The following NRG1 variants were observed in gnomAD, a reference collection of about 807,000 sequenced individuals.
The protein encoded by NRG1 is neuregulin 1.
Under a neutral mutation model 63.8 loss-of-function variants are expected in NRG1, and 18 were observed. The observed-to-expected ratio is 0.28, with a 90% CI of 0.19 to 0.42. NRG1 has a LOEUF of 0.42. Among genes scored for constraint, NRG1 ranks in the 10% least tolerant of loss-of-function variants. NRG1 has a pLI of 1.00. For synonymous variants in NRG1, 302 were observed against 301.3 expected (o/e 1.00, Z -0.02); for missense variants, 762 against 814.7 (o/e 0.94, Z 0.79).
At chr8:31,793,293 T>C (rs936438860) in intron 1 of NRG1, among the ~76,000 whole-genome samples, 3 of 152,212 alleles carry the variant, frequency 2.0e-5, no homozygotes, top group Non-Finnish European at 4.4e-5. Context: ...CTGCACAGTT[T>C]TAGTGTTTAA....
intron 1 of NRG1, among the ~76,000 whole-genome samples, chr8:31,971,488 A>G (rs1807270476): frequency 1.3e-5 from 2 of 152,184 alleles, no homozygotes; most frequent in Admixed American, 6.5e-5. Flanking sequence ...TCAGATTTAT[A>G]AAACGTAAAT....
At chr8:32,510,954 C>CTTT in intron 1 of NRG1, among the ~76,000 whole-genome samples, 2 of 126,704 alleles carry the variant, frequency 1.6e-5, no homozygotes, top group African/African-American at 5.4e-5. Flanking sequence ...TTCTTTCTTT[C>CTTT]CTTTTTTTTT....
intron 1 of NRG1, among the ~76,000 whole-genome samples, chr8:31,853,140 C>A (rs928435317): frequency 2.0e-5 from 3 of 151,976 alleles, no homozygotes; most frequent in Non-Finnish European, 4.4e-5. Context: ...TTTTTCAATT[C>A]TGTGAAGAAA....
At chr8:32,123,870 G>A (rs967396714) in intron 1 of NRG1, among the ~76,000 whole-genome samples, 2 of 151,728 alleles carry the variant, frequency 1.3e-5, no homozygotes, top group Admixed American at 6.6e-5. Context: ...AAAGAGACAA[G>A]TGAATTACTA....
At chr8:31,773,792 C>G (rs888566956) in intron 1 of NRG1, among the ~76,000 whole-genome samples, 1 of 152,052 alleles carries the variant, frequency 6.6e-6, no homozygotes, top group Non-Finnish European at 1.5e-5. Flanking sequence ...GTTTAATGAT[C>G]CCCCCAGCTG....
At chr8:32,595,807 C>G in intron 1 of NRG1, 21 bp from the exon 2 acceptor site, 11 of 1,546,544 alleles carry the variant, frequency 7.1e-6, no homozygotes, top group Non-Finnish European at 5.3e-6. Flanking sequence ...AGTTGTTTTT[C>G]ATTCTCTTTT....
chr8:31,823,170 C>A (rs982594201), intron 1 of NRG1, among the ~76,000 whole-genome samples: 7 of 121,406 alleles, frequency 5.8e-5, no homozygotes, highest in African/African-American at 2.3e-4. Flanking sequence ...TGACTGATGG[C>A]TTCCTCCAAA....
At chr8:32,184,020 C>A (rs1841707198) in intron 1 of NRG1, among the ~76,000 whole-genome samples, 1 of 151,998 alleles carries the variant, frequency 6.6e-6, no homozygotes, top group African/African-American at 2.4e-5. Context: ...GTGATAGAAT[C>A]TTGGAAAAAT....
chr8:32,113,911 G>A (rs1832368514), intron 1 of NRG1, among the ~76,000 whole-genome samples: 1 of 152,184 alleles, frequency 6.6e-6, no homozygotes, highest in Admixed American at 6.5e-5. Flanking sequence ...GTGGGAGAAG[G>A]AAAGAAAGGC....
intron 5 of NRG1, among the ~76,000 whole-genome samples, chr8:32,652,082 G>T (rs1365208449): frequency 6.6e-6 from 1 of 152,112 alleles, no homozygotes; most frequent in Non-Finnish European, 1.5e-5. Flanking sequence ...CTGTCTCTGA[G>T]AATTTAAACA....
At chr8:32,354,733 T>TAAAC in intron 1 of NRG1, among the ~76,000 whole-genome samples, 1 of 147,508 alleles carries the variant, frequency 6.8e-6, no homozygotes, top group South Asian at 2.1e-4. Flanking sequence ...AATAAATAAA[T>TAAAC]AAATAAATAA....
chr8:32,649,605 G>C (rs973588343), intron 5 of NRG1, among the ~76,000 whole-genome samples: 1 of 152,188 alleles, frequency 6.6e-6, no homozygotes, highest in Non-Finnish European at 1.5e-5. Flanking sequence ...CAGACATCAT[G>C]TTCAGTGTGA....
intron 1 of NRG1, among the ~76,000 whole-genome samples, chr8:31,842,681 A>G (rs947880271): frequency 6.6e-6 from 1 of 152,202 alleles, no homozygotes; most frequent in African/African-American, 2.4e-5. Context: ...GAGGCCAGGA[A>G]ATGCATCATT....
chr8:32,649,159 C>CT (rs35558760), intron 5 of NRG1, among the ~76,000 whole-genome samples: 12,478 of 123,306 alleles, frequency 0.1, 1,239 homozygotes, highest in African/African-American at 0.26. Flanking sequence ...TGAGGTACAT[C>CT]TTTTTTTTTT....
At chr8:31,796,414 C>CTTTTTTTTTTTTTT (rs1158508289) in intron 1 of NRG1, among the ~76,000 whole-genome samples, 2 of 43,340 alleles carry the variant, frequency 4.6e-5, no homozygotes, top group Non-Finnish European at 8.2e-5. Context: ...GGCGTATAAT[C>CTTTTTTTTTTTTTT]TTTTTTTTTT....
chr8:31,993,022 G>C (rs532255531), intron 1 of NRG1, among the ~76,000 whole-genome samples: 73 of 151,974 alleles, frequency 4.8e-4, no homozygotes, highest in African/African-American at 1.6e-3. Flanking sequence ...AACTGATCTG[G>C]GATACAGAAG....
intron 5 of NRG1, among the ~76,000 whole-genome samples, chr8:32,701,923 A>C (rs917819209): frequency 6.6e-6 from 1 of 152,236 alleles, no homozygotes; most frequent in East Asian, 1.9e-4. Flanking sequence ...TCATGAGATC[A>C]CAAATGTGAC....
At chr8:31,757,127 G>C (rs946455066) in intron 1 of NRG1, among the ~76,000 whole-genome samples, 1 of 152,098 alleles carries the variant, frequency 6.6e-6, no homozygotes, top group African/African-American at 2.4e-5. Context: ...AGATGTTTAA[G>C]ATTGGGAACA....
chr8:32,667,458 T>C (rs1804488255), intron 5 of NRG1, among the ~76,000 whole-genome samples: 1 of 152,196 alleles, frequency 6.6e-6, no homozygotes, highest in Admixed American at 6.5e-5. Context: ...TGTTCATCTG[T>C]GGTGGGTGTG....
Sources: allele counts gnomAD v4.1 joint callset (sites outside exome capture counted in the v4.1 genomes callset), GRCh38; gene constraint gnomAD v4.1.1; transcripts MANE v1.5; gene names NCBI Gene and HGNC (gene_info 2026-07-23, HGNC 2026-07-21).